PLCB4: variants seen among roughly 807,000 people sequenced by gnomAD.
PLCB4 encodes the protein phospholipase C beta 4, also known as 1-phosphatidylinositol 4,5-bisphosphate phosphodiesterase beta-4.
A neutral mutation model predicts 178.8 loss-of-function variants in PLCB4; 77 were observed. That is an observed-to-expected ratio of 0.43 (90% CI 0.36 to 0.52). PLCB4 has a LOEUF of 0.52. Among genes scored for constraint, PLCB4 ranks in the 20% least tolerant of loss-of-function variants. The pLI is 0.00. For missense variants in PLCB4, 1,024 were observed against 1,453.4 expected, an observed-to-expected ratio of 0.70 and a Z score of 4.80; for synonymous variants, 496 against 490.8, an observed-to-expected ratio of 1.01 and a Z score of -0.14.
At chr20:9,099,190 G>A (rs1036930181) in intron 2 of PLCB4, among the ~76,000 whole-genome samples, 1 of 152,064 alleles carries the variant, frequency 6.6e-6, no homozygotes, top group African/African-American at 2.4e-5. Context: ...GTTGAAAGTT[G>A]TTGCTCTAGA....
At chr20:9,376,190 G>A (rs909716931) in intron 12 of PLCB4, among the ~76,000 whole-genome samples, 3 of 151,978 alleles carry the variant, frequency 2.0e-5, no homozygotes, top group African/African-American at 7.3e-5. Context: ...GTGATCCATG[G>A]ACCAGCAGCA....
chr20:9,139,931 G>T (rs2092454115), intron 2 of PLCB4, among the ~76,000 whole-genome samples: 1 of 152,070 alleles, frequency 6.6e-6, no homozygotes, highest in Non-Finnish European at 1.5e-5. Context: ...AGGGGCTGAG[G>T]TGGGATTAGT....
intron 7 of PLCB4, among the ~76,000 whole-genome samples, chr20:9,351,218 G>T (rs1159160121): frequency 5.9e-5 from 9 of 151,556 alleles, no homozygotes; most frequent in Non-Finnish European, 1.3e-4. Context: ...TAAGTTTTAG[G>T]GTACATATGC....
At chr20:9,315,229 T>C (rs2147922634) in intron 4 of PLCB4, among the ~76,000 whole-genome samples, 1 of 152,330 alleles carries the variant, frequency 6.6e-6, no homozygotes, top group African/African-American at 2.4e-5. Context: ...ATTATCATAT[T>C]GGAATCATTA....
At chr20:9,141,832 A>G (rs967353676) in intron 2 of PLCB4, among the ~76,000 whole-genome samples, 1 of 152,098 alleles carries the variant, frequency 6.6e-6, no homozygotes, top group South Asian at 2.1e-4. Flanking sequence ...CTGAATCTCC[A>G]TGGATGAGTA....
At chr20:9,118,726 A>T (rs2091864066) in intron 2 of PLCB4, among the ~76,000 whole-genome samples, 1 of 152,160 alleles carries the variant, frequency 6.6e-6, no homozygotes, top group Non-Finnish European at 1.5e-5. Flanking sequence ...GAACAAGTGA[A>T]TGAATGAATG....
At chr20:9,165,619 A>T (rs1175232318) in intron 2 of PLCB4, among the ~76,000 whole-genome samples, 1 of 152,204 alleles carries the variant, frequency 6.6e-6, no homozygotes, top group Non-Finnish European at 1.5e-5. Flanking sequence ...AGCATACTAA[A>T]AACTTGGAGA....
chr20:9,213,781 C>G (rs1211642118), intron 2 of PLCB4, among the ~76,000 whole-genome samples: 2 of 152,216 alleles, frequency 1.3e-5, no homozygotes, highest in Admixed American at 6.5e-5. Context: ...TTTCCACCAG[C>G]AGTGTATGAA....
chr20:9,140,920 A>AT (rs1199545413), intron 2 of PLCB4, among the ~76,000 whole-genome samples: 4 of 152,076 alleles, frequency 2.6e-5, no homozygotes, highest in Non-Finnish European at 5.9e-5. Context: ...GGGAGAGAAT[A>AT]TTTATCTTGA....
At position 9,477,854 on chromosome 20, in the gene PLCB4, T is replaced by C. The variant is rs140714551; in HGVS notation, c.3533-1067T>C. Among the ~76,000 whole-genome samples the C allele has an allele frequency of 9.1e-3, 1,389 of 152,264 alleles. 24 individuals are homozygous for C. The highest frequency in any genetic ancestry group is 0.032 in the African/African-American group (1,327 of 41,546). On this transcript the variant is annotated intron_variant, in intron 39 of 39. Transcript: ENST00000378473. ...CACAAGAATTCATTTGGAAGATGCT[T>C]CTCATATATCTACAGAGTTGACCAA...
intron 36 of PLCB4, among the ~76,000 whole-genome samples, chr20:9,471,569 T>A (rs543075389): frequency 6.6e-6 from 1 of 152,212 alleles, no homozygotes; most frequent in East Asian, 1.9e-4. Context: ...TATCCAAAAC[T>A]GACTGAAAAT....
intron 2 of PLCB4, among the ~76,000 whole-genome samples, chr20:9,207,459 A>G (rs1410084662): frequency 6.6e-6 from 1 of 152,182 alleles, no homozygotes; most frequent in Non-Finnish European, 1.5e-5. Context: ...ATCTGCCTTG[A>G]ATGCAAATGT....
chr20:9,388,288 G>T (rs2037847225), intron 15 of PLCB4, among the ~76,000 whole-genome samples: 1 of 152,206 alleles, frequency 6.6e-6, no homozygotes. Flanking sequence ...CAAATCAAAA[G>T]AATGAAATTC....
intron 7 of PLCB4, among the ~76,000 whole-genome samples, chr20:9,348,291 A>G (rs1430165361): frequency 2.0e-5 from 3 of 152,186 alleles, no homozygotes; most frequent in African/African-American, 7.2e-5. Context: ...AGAAGGAAAG[A>G]TCTGAGAAAC....
intron 25 of PLCB4, among the ~76,000 whole-genome samples, chr20:9,416,415 C>T (rs974954710): frequency 6.6e-6 from 1 of 152,124 alleles, no homozygotes; most frequent in Admixed American, 6.5e-5. Flanking sequence ...CCCGACCTTC[C>T]TCGGGAGGCA....
rs3036061 is a variant in PLCB4, at chr20:9,165,793, TTGTGTGTGTGTGTGTG to T, written c.-78-51571_-78-51556del. 6.4e-5 allele frequency among the ~76,000 whole-genome samples: 9 copies of T among 139,648 alleles called. No homozygotes were observed. In the East Asian group the frequency reaches 1.7e-3, roughly 26 times the overall value. 91.6% of individuals were successfully genotyped at this position (139,648 alleles called of 152,430 possible). A position where few individuals can be genotyped will look rare whatever the true frequency, so the allele number is the denominator to read the frequency against. On this transcript the variant is annotated intron_variant, in intron 2 of 39. Transcript: ENST00000378473. The stretch of plus-strand genomic sequence containing the variant: ...GATGGATGGGTAAACCTGGGGCTGT[TTGTGTGTGTGTGTGTG>T]TGTGTGTGTGTGTGTGTGTGTGTGT...
intron 25 of PLCB4, among the ~76,000 whole-genome samples, chr20:9,419,070 A>AT (rs2040447878): frequency 2.6e-5 from 4 of 151,730 alleles, no homozygotes; most frequent in African/African-American, 9.7e-5. Context: ...GATTCCTTAG[A>AT]GTTTTTTTTT....
intron 8 of PLCB4, among the ~76,000 whole-genome samples, chr20:9,363,872 G>A (rs553425608): frequency 6.6e-6 from 1 of 152,364 alleles, no homozygotes; most frequent in East Asian, 1.9e-4. Context: ...AATGGGCCAA[G>A]AGGTTAGTCC....
At chr20:9,333,433 G>C (rs1461460279) in intron 4 of PLCB4, among the ~76,000 whole-genome samples, 1 of 152,152 alleles carries the variant, frequency 6.6e-6, no homozygotes, top group Non-Finnish European at 1.5e-5. Context: ...AAGTGCAAAG[G>C]CCCTGATGCT....
Sources: allele counts gnomAD v4.1 joint callset (sites outside exome capture counted in the v4.1 genomes callset), GRCh38; gene constraint gnomAD v4.1.1; transcripts MANE v1.5; gene names NCBI Gene and HGNC (gene_info 2026-07-23, HGNC 2026-07-21).